The following SLC25A26 variants were observed in gnomAD, a reference collection of about 807,000 sequenced individuals.
SLC25A26 encodes solute carrier family 25 member 26, also known as mitochondrial S-adenosylmethionine carrier protein.
A neutral mutation model predicts 37.8 loss-of-function variants in SLC25A26; 36 were observed. The observed-to-expected ratio is 0.95, with a 90% confidence interval of 0.73 to 1.26. The LOEUF is 1.26. Among genes scored for constraint, SLC25A26 ranks in the 50% most tolerant of loss-of-function variants. SLC25A26 has a pLI of 0.00. For missense variants in SLC25A26, 390 were observed against 331.1 expected, an observed-to-expected ratio of 1.18 and a Z score of -1.38; for synonymous variants, 129 against 122.5, an observed-to-expected ratio of 1.05 and a Z score of -0.35.
chr3:66,239,816 CTTTTTTTTTTTTTT>C (rs536690709), intron 2 of SLC25A26, among the ~76,000 whole-genome samples: 6,926 of 110,332 alleles, frequency 0.063, 301 homozygotes, highest in Non-Finnish European at 0.085. Context: ...TCCTTTCTTT[CTTTTTTTTTTTTTT>C]TTTTTTTTTT....
In SLC25A26 at chr3:66,370,417, C is replaced by G. The variant is rs1413909643; in HGVS notation, c.634-112C>G. Reference sequence around the variant, plus strand: ...CCAAGAAACTCCCTGGTATCTGACACTGTGTTCTAGATGAGGGTGACGGGG... The same window carrying G: ...CCAAGAAACTCCCTGGTATCTGACAGTGTGTTCTAGATGAGGGTGACGGGG... On this transcript the variant is annotated intron_variant, in intron 8 of 9. Coordinates refer to ENST00000354883, the MANE Select transcript of SLC25A26 (RefSeq NM_001379210.1). 10 of 875,206 alleles carry G rather than the reference C, an allele frequency of 1.1e-5. No homozygotes were observed. The East Asian group carries it at 2.4e-4, about 21-fold the overall frequency. The allele number at this position is 875,206 out of a possible 1,614,324, so 54.2% of individuals were successfully genotyped here. A position where few individuals can be genotyped will look rare whatever the true frequency, so the allele number is the denominator to read the frequency against.
chr3:66,227,060 A>AT (rs2071788475), intron 1 of SLC25A26, among the ~76,000 whole-genome samples: 1 of 152,228 alleles, frequency 6.6e-6, no homozygotes, highest in African/African-American at 2.4e-5. Context: ...GCAAGTTGTC[A>AT]TACTGCTTTC....
chr3:66,347,812 T>G (rs558558806), intron 6 of SLC25A26, among the ~76,000 whole-genome samples: 2 of 152,284 alleles, frequency 1.3e-5, no homozygotes, highest in East Asian at 1.9e-4. Flanking sequence ...GAAATGAGAT[T>G]ATGTTCTTTG....
intron 5 of SLC25A26, among the ~76,000 whole-genome samples, chr3:66,270,107 G>C (rs1441346555): frequency 6.6e-6 from 1 of 152,128 alleles, no homozygotes; most frequent in Non-Finnish European, 1.5e-5. Context: ...TAGTGAATCA[G>C]GCTTTTGATA....
intron 5 of SLC25A26, among the ~76,000 whole-genome samples, chr3:66,268,433 T>A (rs2073838332): frequency 6.6e-6 from 1 of 152,220 alleles, no homozygotes; most frequent in Admixed American, 6.5e-5. Context: ...CAAAACATGA[T>A]GTCATTGTAG....
At chr3:66,312,713 T>A (rs2075416785) in intron 5 of SLC25A26, among the ~76,000 whole-genome samples, 1 of 152,152 alleles carries the variant, frequency 6.6e-6, no homozygotes, top group East Asian at 1.9e-4. Context: ...GCACCATTCC[T>A]CATGACACAG....
At chr3:66,139,574 G>T (rs903500628) in intron 1 of SLC25A26, among the ~76,000 whole-genome samples, 1 of 152,198 alleles carries the variant, frequency 6.6e-6, no homozygotes, top group Admixed American at 6.5e-5. Flanking sequence ...AGTGACTGAA[G>T]ATTGAATTAG....
chr3:66,142,000 A>G (rs1395362655), intron 1 of SLC25A26, among the ~76,000 whole-genome samples: 1 of 152,238 alleles, frequency 6.6e-6, no homozygotes, highest in Non-Finnish European at 1.5e-5. Context: ...TGAAACTTGC[A>G]TAACACAAAT....
chr3:66,314,830 A>G (rs144176482), intron 5 of SLC25A26, among the ~76,000 whole-genome samples: 30 of 151,764 alleles, frequency 2.0e-4, no homozygotes, highest in East Asian at 1.4e-3. Context: ...AGAGATTCCA[A>G]TTCCTTTTGG....
chr3:66,241,114 G>A (rs899265051), intron 2 of SLC25A26, among the ~76,000 whole-genome samples: 9 of 151,296 alleles, frequency 5.9e-5, no homozygotes, highest in Non-Finnish European at 1.2e-4. Flanking sequence ...AAATTATCAC[G>A]AATCTCCAAA....
At chr3:66,198,455 A>G (rs1326816776) in intron 1 of SLC25A26, among the ~76,000 whole-genome samples, 1 of 151,970 alleles carries the variant, frequency 6.6e-6, no homozygotes, top group Non-Finnish European at 1.5e-5. Flanking sequence ...GACCCTCACT[A>G]GGACCTTGCC....
intron 1 of SLC25A26, among the ~76,000 whole-genome samples, chr3:66,160,933 T>C (rs955371873): frequency 6.6e-6 from 1 of 150,764 alleles, no homozygotes; most frequent in African/African-American, 2.4e-5. Flanking sequence ...AGACTCTGTC[T>C]CAAAAAAAAA....
intron 1 of SLC25A26, among the ~76,000 whole-genome samples, chr3:66,154,010 T>G (rs537798275): frequency 3.3e-5 from 5 of 152,328 alleles, no homozygotes; most frequent in African/African-American, 9.6e-5. Context: ...AGCCGAGTCC[T>G]TTCACGTAAT....
intron 5 of SLC25A26, among the ~76,000 whole-genome samples, chr3:66,318,341 C>A (rs963777162): frequency 2.0e-5 from 3 of 152,170 alleles, no homozygotes; most frequent in Non-Finnish European, 4.4e-5. Context: ...CTGTGGATTG[C>A]AAGAATCTGT....
At chr3:66,139,772 C>A (rs890872640) in intron 1 of SLC25A26, among the ~76,000 whole-genome samples, 1 of 152,172 alleles carries the variant, frequency 6.6e-6, no homozygotes, top group Non-Finnish European at 1.5e-5. Flanking sequence ...ACTTGAGTTA[C>A]TTCTTTCACA....
At chr3:66,169,408 G>A (rs1158601070) in intron 1 of SLC25A26, among the ~76,000 whole-genome samples, 2 of 152,160 alleles carry the variant, frequency 1.3e-5, no homozygotes, top group Non-Finnish European at 1.5e-5. Flanking sequence ...CTGCCTTGAA[G>A]TGCCGTTTCT....
intron 6 of SLC25A26, among the ~76,000 whole-genome samples, chr3:66,350,051 CTTTT>C (rs1036486504): frequency 6.6e-6 from 1 of 152,088 alleles, no homozygotes; most frequent in African/African-American, 2.4e-5. Context: ...GTTTTTGGAA[CTTTT>C]TTATTTTTGT....
chr3:66,350,463 C>T (rs2076424086), intron 6 of SLC25A26, among the ~76,000 whole-genome samples: 1 of 152,120 alleles, frequency 6.6e-6, no homozygotes, highest in Non-Finnish European at 1.5e-5. Context: ...AATTTGTGGC[C>T]ACATTTCACC....
intron 5 of SLC25A26, among the ~76,000 whole-genome samples, chr3:66,285,332 T>C (rs989723440): frequency 2.6e-5 from 4 of 151,682 alleles, no homozygotes; most frequent in African/African-American, 9.7e-5. Context: ...TTTTGCTATG[T>C]GAGTTGTTTA....
Sources: allele counts gnomAD v4.1 joint callset (sites outside exome capture counted in the v4.1 genomes callset), GRCh38; gene constraint gnomAD v4.1.1; transcripts MANE v1.5; gene names NCBI Gene and HGNC (gene_info 2026-07-23, HGNC 2026-07-21).